INPP5D: variants seen among roughly 807,000 people sequenced by gnomAD.
The protein encoded by INPP5D is inositol polyphosphate-5-phosphatase D, also known as phosphatidylinositol 3,4,5-trisphosphate 5-phosphatase 1.
Under a neutral mutation model 122.9 loss-of-function variants are expected in INPP5D, and 33 were observed. That is an observed-to-expected ratio of 0.27 (90% CI 0.20 to 0.36). The LOEUF (loss-of-function observed/expected upper bound fraction) is 0.36, where lower values mean the gene tolerates loss of function less well. INPP5D is among the 10% of genes least tolerant of loss of function. The probability of loss-of-function intolerance (pLI) is 1.00; values close to 1 mark genes in which losing one functional copy is unlikely to be tolerated. For missense variants in INPP5D, 1,053 were observed against 1,412.7 expected (o/e 0.75, Z 4.08); for synonymous variants, 584 against 576.2 (o/e 1.01, Z -0.19).
chr2:233,129,852 C>T (rs1666546296), intron 4 of INPP5D, among the ~76,000 whole-genome samples: 1 of 151,890 alleles, frequency 6.6e-6, no homozygotes, highest in Admixed American at 6.6e-5. Context: ...AAAACAATTC[C>T]ACTTACACTT....
chr2:233,126,345 G>T (rs1693157177), intron 4 of INPP5D, among the ~76,000 whole-genome samples: 1 of 152,146 alleles, frequency 6.6e-6, no homozygotes, highest in Non-Finnish European at 1.5e-5. Flanking sequence ...CAACTTGAAG[G>T]ATCCATCTGA....
chr2:233,142,471 C>T (rs1226702092), intron 6 of INPP5D, among the ~76,000 whole-genome samples: 3 of 152,108 alleles, frequency 2.0e-5, no homozygotes, highest in Non-Finnish European at 2.9e-5. Context: ...AAACTGGGTG[C>T]GTGAGACGTC....
intron 2 of INPP5D, among the ~76,000 whole-genome samples, chr2:233,081,384 G>T (rs1398890143): frequency 6.6e-6 from 1 of 152,218 alleles, no homozygotes; most frequent in African/African-American, 2.4e-5. Context: ...TTAAAAGTTG[G>T]TCGATGCTTT....
chr2:233,148,284 G>A (rs575248540), intron 9 of INPP5D, among the ~76,000 whole-genome samples: 1 of 70,080 alleles, frequency 1.4e-5, no homozygotes, highest in African/African-American at 6.6e-5. Context: ...CAATACAGAT[G>A]AATGATCAGA....
At chr2:233,085,460 C>T (rs1209345114) in intron 2 of INPP5D, among the ~76,000 whole-genome samples, 1 of 151,698 alleles carries the variant, frequency 6.6e-6, no homozygotes, top group Non-Finnish European at 1.5e-5. Flanking sequence ...GTGCTGGTTC[C>T]TATAGAGGCG....
At chr2:233,141,740 T>C (rs957729279) in intron 6 of INPP5D, 1 of 152,218 alleles carries the variant, frequency 6.6e-6, no homozygotes, top group African/African-American at 2.4e-5. Flanking sequence ...ATAGAAACTC[T>C]GATGGAAGTC....
intron 1 of INPP5D, among the ~76,000 whole-genome samples, chr2:233,068,393 G>A (rs967004167): frequency 3.4e-4 from 51 of 151,826 alleles, no homozygotes; most frequent in African/African-American, 1.1e-3. Context: ...AGGAGTTTGA[G>A]ACCAGCCTGG....
intron 9 of INPP5D, among the ~76,000 whole-genome samples, chr2:233,152,437 G>A (rs1246166167): frequency 6.6e-6 from 1 of 152,178 alleles, no homozygotes; most frequent in Admixed American, 6.5e-5. Context: ...TTTGGGATGC[G>A]AAGGTGAACC....
chr2:233,206,622 A>G lies in INPP5D; in HGVS notation c.3568-84A>G. The G allele has an allele frequency of 1.4e-6, 1 of 724,318 alleles. No individual in the cohort carries two copies. Among genetic ancestry groups the G allele is most frequent in the Non-Finnish European group, 2.6e-6 (1 of 387,680 alleles). The allele number at this position is 724,318 out of a possible 1,614,324, so 44.9% of individuals were successfully genotyped here. A position where few individuals can be genotyped will look rare whatever the true frequency, so the allele number is the denominator to read the frequency against. The stretch of plus-strand genomic sequence containing the variant: ...CGTTAAAGGAAGCCTGGCCTAGCCC[A>G]CAGCATGCAGGGACCTGGGCCACTT... On this transcript the variant is annotated intron_variant, in intron 26 of 26. Coordinates refer to ENST00000445964, the MANE Select transcript of INPP5D (RefSeq NM_001017915.3). The surrounding 1 kb of genome is among the most constrained non-coding windows in gnomAD (Gnocchi z 4.0).
chr2:233,188,363 T>C lies in INPP5D; in HGVS notation c.2359-1487T>C, dbSNP rs1332795196. Among the ~76,000 whole-genome samples, 3 of 151,994 alleles carry C rather than the reference T, an allele frequency of 2.0e-5. No homozygotes were observed. Among genetic ancestry groups the C allele is most frequent in the Non-Finnish European group, 4.4e-5 (3 of 67,992 alleles). ...GGGTGGTGGTGTCGCACAGAGACATTTGTTGTTCAGATGTCTGTCACCCCA... is the reference window on the plus strand; with the variant it reads ...GGGTGGTGGTGTCGCACAGAGACATCTGTTGTTCAGATGTCTGTCACCCCA... On this transcript the variant is annotated intron_variant, in intron 21 of 26. Coordinates refer to ENST00000445964, the MANE Select transcript of INPP5D (RefSeq NM_001017915.3). This position sits in a 1 kb window ranked among gnomAD's most constrained non-coding sequence, Gnocchi z 4.7.
At chr2:233,162,332 CAAAT>C (rs1212090707) in intron 11 of INPP5D, among the ~76,000 whole-genome samples, 2 of 126,706 alleles carry the variant, frequency 1.6e-5, no homozygotes, top group African/African-American at 2.6e-5. Flanking sequence ...TAGCTACAAA[CAAAT>C]AAATACTAAA....
intron 10 of INPP5D, among the ~76,000 whole-genome samples, chr2:233,161,480 G>A (rs1021092696): frequency 2.0e-5 from 3 of 152,162 alleles, no homozygotes; most frequent in African/African-American, 4.8e-5. Flanking sequence ...CTGCAGAGCC[G>A]TGACAGGGTT....
At chr2:233,112,631 G>C (rs2106245091) in intron 2 of INPP5D, among the ~76,000 whole-genome samples, 1 of 152,288 alleles carries the variant, frequency 6.6e-6, no homozygotes, top group East Asian at 1.9e-4. Flanking sequence ...TGAGGAAATA[G>C]TGTGTGCACA....
chr2:233,193,520 C>T lies in INPP5D; in HGVS notation c.2447-292C>T, dbSNP rs1559344867. Among the ~76,000 whole-genome samples the T allele has an allele frequency of 7.9e-5, 12 of 152,286 alleles. No homozygotes were observed. In the South Asian group the frequency reaches 2.3e-3, roughly 29 times the overall value. On this transcript the variant is annotated intron_variant, in intron 22 of 26. Coordinates refer to ENST00000445964, the MANE Select transcript of INPP5D (RefSeq NM_001017915.3). ...CAATTTTGTTCTGTCATGTCTTATG[C>T]TGCATCAAATCTTGGGAAGTTTTCA...
Position 233,198,229 on chromosome 2 carries a change from G to A in INPP5D, c.2828G>A (p.Ser943Asn). Residue 943 changes from serine (S) to asparagine (N), a missense_variant, in exon 25 of 27, where the codon AGC becomes AAC. Physicochemically the swap from Ser to Asn is conservative, Grantham distance 46. Coordinates refer to ENST00000445964, the MANE Select transcript of INPP5D (RefSeq NM_001017915.3). ...CCTGACCAGCAGCCCACAGCCTGGA[G>A]CTACGACCAGCCGCCCAAGGACTCC... Reference protein sequence around the residue: ...LSPDQQPTAWSYDQPPKDSPL... With the variant: ...LSPDQQPTAWNYDQPPKDSPL... 1 of 1,613,646 alleles carries A rather than the reference G, an allele frequency of 6.2e-7. No individual in the cohort carries two copies. The highest frequency in any genetic ancestry group is 8.5e-7 in the Non-Finnish European group (1 of 1,179,890).
At chr2:233,149,941 G>C (rs555159351) in intron 9 of INPP5D, among the ~76,000 whole-genome samples, 62 of 152,296 alleles carry the variant, frequency 4.1e-4, no homozygotes, top group African/African-American at 1.5e-3. Flanking sequence ...GTAGCCGTGA[G>C]GGAGGCTGAT....
intron 2 of INPP5D, among the ~76,000 whole-genome samples, chr2:233,083,865 C>T (rs1408545781): frequency 6.6e-6 from 1 of 152,208 alleles, no homozygotes; most frequent in Non-Finnish European, 1.5e-5. Flanking sequence ...ACCCTACAAC[C>T]TTTTGGCCCT....
Position 233,130,137 on chromosome 2 carries a change from C to T in INPP5D, c.525-371C>T, listed in dbSNP as rs546622680. On this transcript the variant is annotated intron_variant, in intron 4 of 26. Coordinates refer to ENST00000445964, the MANE Select transcript of INPP5D (RefSeq NM_001017915.3). ...CTTGAACTCCTAACCTCAGGTGATC[C>T]GCCCACCTGGGCCTCCCAAAGTGCT... 3.9e-5 allele frequency among the ~76,000 whole-genome samples: 6 copies of T among 152,302 alleles called. No homozygotes were observed. The East Asian group carries it at 7.7e-4, about 20-fold the overall frequency.
intron 1 of INPP5D, among the ~76,000 whole-genome samples, chr2:233,075,667 G>C (rs780039134): frequency 2.6e-5 from 4 of 152,154 alleles, no homozygotes; most frequent in Non-Finnish European, 4.4e-5. Context: ...GGCAGGCCAA[G>C]TGAGCACCTT....
Sources: gnomAD v4.1 joint callset for allele counts (sites outside exome capture counted in the v4.1 genomes callset) on GRCh38, gnomAD v4.1.1 for gene constraint, Gnocchi (gnomAD v3.1) non-coding constraint, MANE v1.5 for transcripts, NCBI Gene and HGNC (gene_info 2026-07-23, HGNC 2026-07-21) for gene names.